ADAMTS6: variants seen among roughly 807,000 people sequenced by gnomAD.
The protein encoded by ADAMTS6 is A disintegrin and metalloproteinase with thrombospondin motifs 6.
In ADAMTS6, 23 loss-of-function variants were observed where a neutral mutation model predicts 144.3. That is an observed-to-expected ratio of 0.16 (90% confidence interval 0.11 to 0.23). The LOEUF is 0.23. ADAMTS6 is among the 10% of genes least tolerant of loss of function. The pLI is 1.00. For missense variants in ADAMTS6, 999 were observed against 1,379.6 expected (o/e 0.72, Z 4.37); for synonymous variants, 444 against 457.5 (o/e 0.97, Z 0.38).
chr5:65,203,109 C>T (rs1202344352), intron 20 of ADAMTS6, among the ~76,000 whole-genome samples: 1 of 152,056 alleles, frequency 6.6e-6, no homozygotes, highest in Non-Finnish European at 1.5e-5. Flanking sequence ...GTTTCAAGTG[C>T]CTAAGTTTGT....
chr5:65,238,649 G>C (rs1402550646), intron 15 of ADAMTS6, among the ~76,000 whole-genome samples: 1 of 150,438 alleles, frequency 6.6e-6, no homozygotes, highest in Admixed American at 6.6e-5. Flanking sequence ...AGAATACAAA[G>C]TTAATATACA....
chr5:65,323,804 A>G (rs11747126), intron 9 of ADAMTS6, among the ~76,000 whole-genome samples: 12 of 151,962 alleles, frequency 7.9e-5, no homozygotes, highest in Non-Finnish European at 1.5e-4. Flanking sequence ...TTTAATGATC[A>G]CCATTCTAAC....
chr5:65,225,388 C>T (rs1008174058), intron 16 of ADAMTS6, among the ~76,000 whole-genome samples: 4 of 152,128 alleles, frequency 2.6e-5, no homozygotes, highest in African/African-American at 7.2e-5. Context: ...TAAAATGGTG[C>T]TTTTTATCTT....
intron 7 of ADAMTS6, among the ~76,000 whole-genome samples, chr5:65,364,941 T>A (rs1750168338): frequency 6.6e-6 from 1 of 152,160 alleles, no homozygotes; most frequent in South Asian, 2.1e-4. Context: ...AGGTTATAGA[T>A]CTTGCCAGAC....
intron 7 of ADAMTS6, among the ~76,000 whole-genome samples, chr5:65,380,641 A>C (rs1751965447): frequency 1.3e-5 from 2 of 152,196 alleles, no homozygotes; most frequent in South Asian, 4.1e-4. Flanking sequence ...TGATGGACAA[A>C]ATTTTTAAAA....
chr5:65,460,703 A>G (rs910693021), intron 3 of ADAMTS6, among the ~76,000 whole-genome samples: 3 of 152,170 alleles, frequency 2.0e-5, no homozygotes, highest in African/African-American at 7.2e-5. Context: ...TTTGTGATTG[A>G]GTTTTGCACA....
intron 9 of ADAMTS6, among the ~76,000 whole-genome samples, chr5:65,305,205 T>C (rs1215614405): frequency 4.6e-5 from 7 of 152,216 alleles, no homozygotes; most frequent in Admixed American, 4.6e-4. Context: ...TTTTTGAATC[T>C]GGGTAATGAA....
intron 7 of ADAMTS6, among the ~76,000 whole-genome samples, chr5:65,369,538 TA>T (rs145260748): frequency 0.28 from 41,566 of 146,392 alleles, 6,456 homozygotes; most frequent in South Asian, 0.41. Context: ...TACGCTTCAT[TA>T]AAAAAAAAAA....
intron 24 of ADAMTS6, among the ~76,000 whole-genome samples, chr5:65,162,617 T>C (rs1237805174): frequency 2.4e-5 from 2 of 84,758 alleles, no homozygotes; most frequent in African/African-American, 4.6e-5. Context: ...TTATATAAGA[T>C]ACTACACACA....
intron 7 of ADAMTS6, chr5:65,415,623 ACTGATTTTTTTCGGGGG>A (rs1409814159): frequency 3.5e-5 from 11 of 317,788 alleles, no homozygotes; most frequent in Admixed American, 1.5e-4. Flanking sequence ...GTCTGAGATC[ACTGATTTTTTTCGGGGG>A]CTCTCTCAAG....
chr5:65,401,178 G>A (rs1230360599), intron 7 of ADAMTS6, among the ~76,000 whole-genome samples: 4 of 152,128 alleles, frequency 2.6e-5, no homozygotes, highest in Non-Finnish European at 4.4e-5. Flanking sequence ...TGGTGATAAG[G>A]TGTGGGGAAA....
At chr5:65,435,171 T>C (rs553181697) in intron 7 of ADAMTS6, among the ~76,000 whole-genome samples, 2 of 152,250 alleles carry the variant, frequency 1.3e-5, no homozygotes, top group South Asian at 2.1e-4. Context: ...ATTTTAAAAA[T>C]AAAACACAAA....
chr5:65,318,433 T>C (rs1019510544), intron 9 of ADAMTS6, among the ~76,000 whole-genome samples: 8 of 152,198 alleles, frequency 5.3e-5, no homozygotes, highest in African/African-American at 1.7e-4. Context: ...TGCACTCCCA[T>C]GTTTATTGCA....
rs536457465 is a variant in ADAMTS6 at position 65,409,831 on chromosome 5, G to A, written c.1073+41644C>T. Among the ~76,000 whole-genome samples, 1,215 of 152,288 alleles carry A rather than the reference G, an allele frequency of 8.0e-3. 11 individuals carry two copies. Among genetic ancestry groups the A allele is most frequent in the Non-Finnish European group, 0.013 (871 of 68,034 alleles). On this transcript the variant is annotated intron_variant, in intron 7 of 24. Coordinates refer to ENST00000381055, the MANE Select transcript of ADAMTS6 (RefSeq NM_197941.4). ...AGTGGGCTTCATCCCTGGGATGCAA[G>A]GCTTGTTCAACATATGCAAATCAAT...
intron 15 of ADAMTS6, among the ~76,000 whole-genome samples, chr5:65,239,795 G>A (rs1580155158): frequency 6.6e-6 from 1 of 152,096 alleles, no homozygotes; most frequent in Non-Finnish European, 1.5e-5. Context: ...AATGGAAACG[G>A]AAATTTCACT....
intron 21 of ADAMTS6, 41 bp from the exon 22 acceptor site, chr5:65,188,261 C>T (rs775751259): frequency 5.6e-6 from 9 of 1,597,978 alleles, no homozygotes; most frequent in Non-Finnish European, 7.7e-6. Context: ...AGCATTTCCT[C>T]AGTGCATCCA....
chr5:65,471,192 A>T, intron 2 of ADAMTS6, 50 bp from the exon 3 acceptor site: 1 of 1,538,078 alleles, frequency 6.5e-7, no homozygotes, highest in East Asian at 2.4e-5. Flanking sequence ...ATGGAAGAAA[A>T]GAAAATTTAA....
chr5:65,272,868 C>A (rs1033736741), intron 12 of ADAMTS6, among the ~76,000 whole-genome samples: 3 of 151,472 alleles, frequency 2.0e-5, no homozygotes, highest in African/African-American at 7.3e-5. Context: ...TTGCAGTGAG[C>A]CAAGATCGTA....
chr5:65,242,865 G>A (rs1437498729), intron 14 of ADAMTS6, among the ~76,000 whole-genome samples: 1 of 152,078 alleles, frequency 6.6e-6, no homozygotes, highest in African/African-American at 2.4e-5. Context: ...TTGAGGTGTG[G>A]AGAGGGATGT....
Sources: gnomAD v4.1 joint callset for allele counts (sites outside exome capture counted in the v4.1 genomes callset) on GRCh38, gnomAD v4.1.1 for gene constraint, MANE v1.5 for transcripts, NCBI Gene and HGNC (gene_info 2026-07-23, HGNC 2026-07-21) for gene names.